Variants in NUP160 observed in about 807,000 individuals in gnomAD.
NUP160 encodes nucleoporin 160.
In NUP160, 94 loss-of-function variants were observed where a neutral mutation model predicts 196.9. That is an observed-to-expected ratio of 0.48 (90% confidence interval 0.40 to 0.57). The LOEUF is 0.57. Among genes scored for constraint, NUP160 ranks in the 20% least tolerant of loss-of-function variants. The pLI, the probability that NUP160 is intolerant of heterozygous loss-of-function variation, is 0.00. For missense variants in NUP160, 1,638 were observed against 1,748.3 expected, an observed-to-expected ratio of 0.94 and a Z score of 1.13; for synonymous variants, 605 against 619.7, an observed-to-expected ratio of 0.98 and a Z score of 0.35.
intron 31 of NUP160, chr11:47,786,940 C>T: frequency 5.0e-6 from 1 of 201,688 alleles, no homozygotes; most frequent in Non-Finnish European, 1.0e-5. Flanking sequence ...AGGCCCATGC[C>T]ACCATGCCTG....
intron 2 of NUP160, among the ~76,000 whole-genome samples, chr11:47,841,172 T>C (rs1315237655): frequency 6.6e-6 from 1 of 152,182 alleles, no homozygotes; most frequent in Non-Finnish European, 1.5e-5. Context: ...TCATTATTAC[T>C]CCTCAAAAGG....
At chr11:47,799,055 T>C (rs1444911933) in intron 23 of NUP160, among the ~76,000 whole-genome samples, 4 of 151,870 alleles carry the variant, frequency 2.6e-5, no homozygotes, top group African/African-American at 9.7e-5. Context: ...CATAGTTTTA[T>C]AAAAACCCTA....
intron 23 of NUP160, among the ~76,000 whole-genome samples, chr11:47,799,584 T>C (rs1046012547): frequency 6.6e-6 from 1 of 152,094 alleles, no homozygotes; most frequent in Non-Finnish European, 1.5e-5. Context: ...CCTGCTCTGT[T>C]GCCCAGGCTG....
At chr11:47,829,192 T>C (rs1041239122) in intron 7 of NUP160, among the ~76,000 whole-genome samples, 9 of 152,162 alleles carry the variant, frequency 5.9e-5, no homozygotes, top group African/African-American at 2.2e-4. Context: ...TTGCAAGTCA[T>C]AAATCTGATT....
chr11:47,803,848 T>C (rs190115834), intron 21 of NUP160, among the ~76,000 whole-genome samples: 117 of 152,266 alleles, frequency 7.7e-4, no homozygotes, highest in Non-Finnish European at 1.5e-3. Flanking sequence ...AATAGTACAT[T>C]TGAATTACTA....
intron 27 of NUP160, among the ~76,000 whole-genome samples, chr11:47,797,072 G>A: frequency 6.6e-6 from 1 of 152,184 alleles, no homozygotes. Context: ...CACAGCTAAT[G>A]CGGAATATCA....
chr11:47,817,229 C>G (rs1851749365), intron 11 of NUP160, among the ~76,000 whole-genome samples: 2 of 151,962 alleles, frequency 1.3e-5, no homozygotes. Flanking sequence ...AGTGATCTTC[C>G]CTCTTCAGCC....
chr11:47,790,510 C>T (rs1043641219), intron 29 of NUP160, among the ~76,000 whole-genome samples: 1 of 152,160 alleles, frequency 6.6e-6, no homozygotes, highest in Non-Finnish European at 1.5e-5. Context: ...ATCCACCCGC[C>T]TCAGCCTCCC....
At chr11:47,804,183 GAA>G (rs75867410) in intron 21 of NUP160, 56 of 147,862 alleles carry the variant, frequency 3.8e-4, no homozygotes, top group East Asian at 9.5e-4. Context: ...TCCGTTTCAG[GAA>G]AAAAAAAAAA....
intron 7 of NUP160, among the ~76,000 whole-genome samples, chr11:47,830,249 T>C (rs1234717163): frequency 6.6e-6 from 1 of 152,218 alleles, no homozygotes; most frequent in East Asian, 1.9e-4. Context: ...GGAACATTTA[T>C]ACAATGTTGG....
intron 20 of NUP160, among the ~76,000 whole-genome samples, 182 bp downstream of exon 20, chr11:47,805,971 G>A (rs546715818): frequency 1.4e-3 from 208 of 151,846 alleles, no homozygotes; most frequent in Non-Finnish European, 2.7e-3. Flanking sequence ...AGGCCACCAC[G>A]CCTGACTAAT....
chr11:47,808,364 A>G (rs1248965031), intron 18 of NUP160, 32 bp downstream of exon 18: 3 of 1,580,282 alleles, frequency 1.9e-6, no homozygotes, highest in Non-Finnish European at 2.6e-6. Context: ...CTCACAATTT[A>G]CATTTTAAAT....
rs2097682256 is a variant in NUP160 at position 47,813,354 on chromosome 11, TC to T, written c.1747del (p.Glu583ArgfsTer4). 6.2e-7 allele frequency: 1 copy of T among 1,611,612 alleles called. No homozygotes were observed. Among genetic ancestry groups the T allele is most frequent in the African/African-American group, 1.3e-5 (1 of 74,866 alleles). Reference sequence around the variant, plus strand: ...TGTCTCATCTTCTGTCAAAAGGTTCTCATAAGGCAGGAGATACAAATGATCC... The same window carrying T: ...TGTCTCATCTTCTGTCAAAAGGTTCTATAAGGCAGGAGATACAAATGATCC... On this transcript the variant is annotated frameshift_variant, in exon 14 of 36. Transcript: ENST00000378460. LOFTEE classifies it high-confidence loss of function.
At chr11:47,835,912 T>A in intron 6 of NUP160, 103 bp from the exon 7 acceptor site, 3 of 928,124 alleles carry the variant, frequency 3.2e-6, no homozygotes, top group Non-Finnish European at 4.7e-6. Flanking sequence ...CTGCTCTATC[T>A]AGTTTATCTG....
At chr11:47,793,044 T>C (rs745503493) in intron 27 of NUP160, 98 bp from the exon 28 acceptor site, 3 of 1,004,682 alleles carry the variant, frequency 3.0e-6, no homozygotes, top group Non-Finnish European at 4.3e-6. Context: ...TGGAGTGCAA[T>C]GGCTTGATCT....
intron 8 of NUP160, 121 bp downstream of exon 8, chr11:47,821,966 T>C: frequency 1.0e-6 from 1 of 973,594 alleles, no homozygotes; most frequent in Non-Finnish European, 1.6e-6. Flanking sequence ...AAATGAAATT[T>C]TGTTCCATAT....
chr11:47,807,223 G>C, intron 18 of NUP160, 83 bp from the exon 19 acceptor site: 1 of 819,090 alleles, frequency 1.2e-6, no homozygotes, highest in Non-Finnish European at 2.0e-6. Flanking sequence ...GAAGAACACT[G>C]TCAATTTAAT....
intron 31 of NUP160, among the ~76,000 whole-genome samples, chr11:47,787,376 C>T (rs2097665181): frequency 6.6e-6 from 1 of 151,648 alleles, no homozygotes; most frequent in South Asian, 2.1e-4. Context: ...GCGTAAGCCA[C>T]TGCACCTGGC....
chr11:47,782,201 T>G (rs1326897307), intron 34 of NUP160, among the ~76,000 whole-genome samples: 1 of 150,046 alleles, frequency 6.7e-6, no homozygotes, highest in Non-Finnish European at 1.5e-5. Context: ...GGAGAATCAC[T>G]TGAACCCGGG....
Sources: gnomAD v4.1 joint callset for allele counts (sites outside exome capture counted in the v4.1 genomes callset) on GRCh38, gnomAD v4.1.1 for gene constraint, MANE v1.5 for transcripts, NCBI Gene and HGNC (gene_info 2026-07-23, HGNC 2026-07-21) for gene names.